POC1B: variants seen among roughly 807,000 people sequenced by gnomAD.
The protein encoded by POC1B is POC1 centriolar protein B, also known as POC1 centriolar protein homolog B.
POC1B carries 44 observed loss-of-function variants against 60.6 expected under a neutral mutation model. The ratio of observed to expected loss-of-function variants is 0.73; its 90% CI spans 0.57 to 0.93. The LOEUF is 0.93. POC1B is among the 40% of genes least tolerant of loss of function. The pLI is 0.00. For synonymous variants in POC1B, 180 were observed against 198.9 expected (o/e 0.90, Z 0.80); for missense variants, 555 against 572.3 (o/e 0.97, Z 0.31).
At chr12:89,464,483 G>GTTTTTTTTTT (rs766668019) in intron 9 of POC1B, among the ~76,000 whole-genome samples, 7 of 94,740 alleles carry the variant, frequency 7.4e-5, no homozygotes, top group Admixed American at 3.0e-4. Context: ...TTTTATAAGA[G>GTTTTTTTTTT]TTTTTTTTTT....
In POC1B at chr12:89,524,820, C is replaced by A. The variant is rs572905861; in HGVS notation, c.100+300G>T. The A allele has an allele frequency of 1.9e-3, 1,179 of 615,002 alleles. 6 individuals are homozygous for A. Among genetic ancestry groups the A allele is most frequent in the Non-Finnish European group, 2.7e-3 (941 of 351,566 alleles). 38.1% of individuals were successfully genotyped at this position (615,002 alleles called of 1,614,324 possible). A position where few individuals can be genotyped will look rare whatever the true frequency, so the allele number is the denominator to read the frequency against. Reference sequence around the variant, plus strand: ...TCTCCAGCCAACACCCCACCCTCCCCGGGCCGAGGAGAAACCCCTCCCCTT... The same window carrying A: ...TCTCCAGCCAACACCCCACCCTCCCAGGGCCGAGGAGAAACCCCTCCCCTT... On this transcript the variant is annotated intron_variant, in intron 2 of 11. Coordinates refer to ENST00000313546, the MANE Select transcript of POC1B (RefSeq NM_172240.3).
intron 10 of POC1B, among the ~76,000 whole-genome samples, chr12:89,450,729 A>G (rs752044500): frequency 5.3e-5 from 8 of 152,226 alleles, no homozygotes; most frequent in Non-Finnish European, 8.8e-5. Flanking sequence ...TTAAAAATAA[A>G]TAGAAAACCT....
At chr12:89,417,067 T>C (rs1466611415), downstream of POC1B, among the ~76,000 whole-genome samples, 1 of 152,248 alleles carries the variant, frequency 6.6e-6, no homozygotes, top group Non-Finnish European at 1.5e-5. Flanking sequence ...TATTTTCACA[T>C]ATTCCACTAA....
chr12:89,424,302 C>G (rs1053245280), intron 11 of POC1B, among the ~76,000 whole-genome samples: 4 of 152,180 alleles, frequency 2.6e-5, no homozygotes, highest in Non-Finnish European at 5.9e-5. Flanking sequence ...AATGGACTCT[C>G]TGGAGGTGAA....
intron 4 of POC1B, among the ~76,000 whole-genome samples, chr12:89,479,639 G>A (rs1592615364): frequency 6.6e-6 from 1 of 151,254 alleles, no homozygotes; most frequent in East Asian, 2.0e-4. Flanking sequence ...ACACTAATGG[G>A]CACCATCTCT....
chr12:89,402,370 C>CA, the POC1B span, among the ~76,000 whole-genome samples: 1 of 142,402 alleles, frequency 7.0e-6, no homozygotes, highest in African/African-American at 2.6e-5. Context: ...CACACACACA[C>CA]CCCTTTAAAA....
chr12:89,451,637 A>G (rs1882045181), intron 10 of POC1B, among the ~76,000 whole-genome samples: 1 of 152,232 alleles, frequency 6.6e-6, no homozygotes, highest in Non-Finnish European at 1.5e-5. Context: ...CAGTTCACTG[A>G]GATGGTAAGG....
intron 4 of POC1B, among the ~76,000 whole-genome samples, chr12:89,480,821 C>T (rs1237243452): frequency 1.3e-5 from 2 of 152,140 alleles, no homozygotes; most frequent in East Asian, 1.9e-4. Flanking sequence ...AGGATGGTCT[C>T]GATCTCCTGA....
At chr12:89,469,812 G>A (rs916913356) in intron 7 of POC1B, among the ~76,000 whole-genome samples, 3 of 152,106 alleles carry the variant, frequency 2.0e-5, no homozygotes, top group Non-Finnish European at 2.9e-5. Flanking sequence ...TTCATTTAAT[G>A]GCCATTGAAA....
chr12:89,452,158 G>T (rs1259975116), intron 10 of POC1B, among the ~76,000 whole-genome samples: 2 of 152,132 alleles, frequency 1.3e-5, no homozygotes, highest in Non-Finnish European at 2.9e-5. Flanking sequence ...GGCATTTTCA[G>T]CATGCCTCGG....
downstream of POC1B, among the ~76,000 whole-genome samples, chr12:89,417,992 C>T (rs1368464033): frequency 6.6e-6 from 1 of 152,152 alleles, no homozygotes; most frequent in Non-Finnish European, 1.5e-5. Flanking sequence ...AAACTGGAAA[C>T]CGTTCTCAGC....
At chr12:89,523,591 T>C in intron 2 of POC1B, 5 of 1,567,636 alleles carry the variant, frequency 3.2e-6, no homozygotes, top group Non-Finnish European at 4.3e-6. Context: ...GTACTGAAAA[T>C]ATTTCTTGCT....
At chr12:89,467,528 C>T (rs1592606527) in intron 8 of POC1B, 89 bp downstream of exon 8, 7 of 1,070,408 alleles carry the variant, frequency 6.5e-6, no homozygotes, top group Non-Finnish European at 9.6e-6. Context: ...TCTTAACATA[C>T]ACAAACTAGC....
chr12:89,524,938 G>A, intron 2 of POC1B, 182 bp downstream of exon 2: 2 of 971,852 alleles, frequency 2.1e-6, no homozygotes, highest in Non-Finnish European at 3.0e-6. Context: ...GGGGGCTGGG[G>A]GCCGGGATGG....
rs1397560828 is a variant in POC1B at position 89,421,093 on chromosome 12, T to A, written c.*60A>T. ...GAGTATCTTGTACTACCTTCCTGAG[T>A]GTATGTACATTTGTTCATTTATTGG... On this transcript the variant is annotated 3_prime_UTR_variant, in exon 12 of 12. Coordinates refer to ENST00000313546, the MANE Select transcript of POC1B (RefSeq NM_172240.3). 6 of 1,273,930 alleles carry A rather than the reference T, an allele frequency of 4.7e-6. No individual in the cohort carries two copies. The highest frequency in any genetic ancestry group is 6.6e-6 in the Non-Finnish European group (6 of 903,398). The allele number at this position is 1,273,930 out of a possible 1,614,324, so 78.9% of individuals were successfully genotyped here. A position where few individuals can be genotyped will look rare whatever the true frequency, so the allele number is the denominator to read the frequency against.
downstream of POC1B, among the ~76,000 whole-genome samples, chr12:89,418,653 T>G (rs2120619741): frequency 6.6e-6 from 1 of 152,106 alleles, no homozygotes; most frequent in South Asian, 2.1e-4. Flanking sequence ...AGAGAGTGAG[T>G]TCTCAGTCTT....
the POC1B span, among the ~76,000 whole-genome samples, chr12:89,406,309 T>C: frequency 1.3e-5 from 2 of 152,264 alleles, no homozygotes; most frequent in Non-Finnish European, 2.9e-5. Context: ...GTTTGGAAAA[T>C]AGAAGGAAAA....
chr12:89,506,850 T>A (rs1869923111), intron 2 of POC1B, among the ~76,000 whole-genome samples: 1 of 152,082 alleles, frequency 6.6e-6, no homozygotes, highest in Admixed American at 6.5e-5. Context: ...ACTCACTCAT[T>A]TCCTGCATCA....
intron 2 of POC1B, among the ~76,000 whole-genome samples, chr12:89,498,930 T>C (rs1051274430): frequency 6.6e-6 from 1 of 152,180 alleles, no homozygotes; most frequent in Admixed American, 6.6e-5. Flanking sequence ...ATATATTATT[T>C]ACTCATCAAT....
Sources: allele counts gnomAD v4.1 joint callset (sites outside exome capture counted in the v4.1 genomes callset), GRCh38; gene constraint gnomAD v4.1.1; transcripts MANE v1.5; gene names NCBI Gene and HGNC (gene_info 2026-07-23, HGNC 2026-07-21).